TBC1D8: variants seen among roughly 807,000 people sequenced by gnomAD.
TBC1D8 encodes the protein BUB2-like protein 1.
In TBC1D8, 65 loss-of-function variants were observed where a neutral mutation model predicts 118.8. The observed-to-expected ratio is 0.55, with a 90% confidence interval of 0.45 to 0.67. The LOEUF (loss-of-function observed/expected upper bound fraction) is 0.67. TBC1D8 is among the 30% of genes least tolerant of loss of function. TBC1D8 has a pLI of 0.00. For missense variants in TBC1D8, 1,376 were observed against 1,471.2 expected (o/e 0.94, Z 1.06); for synonymous variants, 566 against 595.8 (o/e 0.95, Z 0.73).
intron 8 of TBC1D8, 61 bp downstream of exon 8, chr2:101,037,471 C>T: frequency 6.4e-7 from 1 of 1,571,808 alleles, no homozygotes; most frequent in Non-Finnish European, 8.6e-7. Flanking sequence ...GACAGCTGGG[C>T]AACCCCCCCA....
intron 5 of TBC1D8, among the ~76,000 whole-genome samples, chr2:101,049,642 C>T (rs926715272): frequency 2.6e-5 from 4 of 151,642 alleles, no homozygotes; most frequent in Non-Finnish European, 4.4e-5. Flanking sequence ...GCAGGAGAAT[C>T]GTTTGAACCT....
chr2:101,093,563 A>T (rs1414214757), intron 1 of TBC1D8, among the ~76,000 whole-genome samples: 1 of 151,900 alleles, frequency 6.6e-6, no homozygotes, highest in Non-Finnish European at 1.5e-5. Context: ...CAAAAAAAAA[A>T]TTTTAACCAG....
At chr2:101,036,915 CCAA>C (rs1297773651) in intron 8 of TBC1D8, among the ~76,000 whole-genome samples, 3 of 152,140 alleles carry the variant, frequency 2.0e-5, no homozygotes, top group Non-Finnish European at 4.4e-5. Context: ...ATAAATAAAA[CCAA>C]CAATAGATTT....
chr2:101,127,000 T>A (rs944849203), intron 1 of TBC1D8, among the ~76,000 whole-genome samples: 2 of 152,088 alleles, frequency 1.3e-5, no homozygotes, highest in African/African-American at 4.8e-5. Flanking sequence ...TCCTCATAGG[T>A]ATTGGAATTC....
At chr2:101,107,629 G>T (rs1677305957) in intron 1 of TBC1D8, among the ~76,000 whole-genome samples, 1 of 152,176 alleles carries the variant, frequency 6.6e-6, no homozygotes, top group South Asian at 2.1e-4. Context: ...GAAGCAATGA[G>T]CACACATAGA....
chr2:101,126,801 G>A (rs1194703065), intron 1 of TBC1D8, among the ~76,000 whole-genome samples: 2 of 152,196 alleles, frequency 1.3e-5, no homozygotes, highest in Non-Finnish European at 2.9e-5. Context: ...AATAAAGACA[G>A]ACAAGGTCAA....
At chr2:101,014,608 G>C (rs941851358) in intron 17 of TBC1D8, among the ~76,000 whole-genome samples, 1 of 152,142 alleles carries the variant, frequency 6.6e-6, no homozygotes, top group Non-Finnish European at 1.5e-5. Context: ...ATTTCACCTG[G>C]TGAGCCTTCT....
At chr2:101,054,973 C>A (rs371033651) in intron 3 of TBC1D8, among the ~76,000 whole-genome samples, 1 of 151,906 alleles carries the variant, frequency 6.6e-6, no homozygotes, top group East Asian at 2.0e-4. Flanking sequence ...TGAGCCACCA[C>A]GCCCGGCCAC....
intron 2 of TBC1D8, chr2:101,068,514 G>A: frequency 2.3e-6 from 1 of 434,740 alleles, no homozygotes; most frequent in South Asian, 2.4e-5. Flanking sequence ...CTGGAAGATG[G>A]AACCACAGTG....
intron 15 of TBC1D8, among the ~76,000 whole-genome samples, chr2:101,025,212 C>CTT (rs11354323): frequency 2.7e-5 from 4 of 147,864 alleles, no homozygotes; most frequent in Non-Finnish European, 4.5e-5. Context: ...ACAATAGGCC[C>CTT]TTTTTTTTTT....
At chr2:101,141,671 G>T (rs1006043922) in intron 1 of TBC1D8, among the ~76,000 whole-genome samples, 1 of 151,844 alleles carries the variant, frequency 6.6e-6, no homozygotes, top group Non-Finnish European at 1.5e-5. Flanking sequence ...AAAGGGAAAA[G>T]ACTGATACAT....
intron 17 of TBC1D8, among the ~76,000 whole-genome samples, chr2:101,021,374 C>G (rs1412470294): frequency 6.6e-6 from 1 of 152,184 alleles, no homozygotes; most frequent in Non-Finnish European, 1.5e-5. Flanking sequence ...GGCTCTCACA[C>G]ACATTCCACA....
intron 1 of TBC1D8, among the ~76,000 whole-genome samples, chr2:101,123,762 C>T (rs1288469148): frequency 6.6e-6 from 1 of 152,156 alleles, no homozygotes; most frequent in Non-Finnish European, 1.5e-5. Context: ...CAGCTACAGT[C>T]TTATGATAAA....
Position 101,110,980 on chromosome 2 carries a change from C to CA in TBC1D8, c.128-20617dup, listed in dbSNP as rs10708630. 2.9e-3 allele frequency among the ~76,000 whole-genome samples: 251 copies of CA among 86,926 alleles called. 2 individuals are homozygous for CA. Among genetic ancestry groups the CA allele is most frequent in the African/African-American group, 5.7e-3 (125 of 21,872 alleles). 57.0% of individuals were successfully genotyped at this position (86,926 alleles called of 152,430 possible). A position where few individuals can be genotyped will look rare whatever the true frequency, so the allele number is the denominator to read the frequency against. ...GGGCAACAAGGGCAAAACTCCATCG[C>CA]AAAAAAAAAAAAAAAAAAGAACCAG... On this transcript the variant is annotated intron_variant, in intron 1 of 19. Transcript: ENST00000409318.
chr2:101,039,934 C>G (rs1041193154), intron 6 of TBC1D8, among the ~76,000 whole-genome samples: 3 of 151,998 alleles, frequency 2.0e-5, no homozygotes, highest in African/African-American at 7.3e-5. Context: ...CCCCTGTTTT[C>G]AGCAGTCACT....
At chr2:101,017,072 A>AT (rs966298279) in intron 17 of TBC1D8, among the ~76,000 whole-genome samples, 4 of 135,138 alleles carry the variant, frequency 3.0e-5, no homozygotes, top group African/African-American at 1.0e-4. Flanking sequence ...ACTTAAAAGT[A>AT]TTAAAAAAAA....
intron 1 of TBC1D8, among the ~76,000 whole-genome samples, chr2:101,116,957 T>C (rs1677848219): frequency 6.6e-6 from 1 of 151,964 alleles, no homozygotes; most frequent in Admixed American, 6.6e-5. Flanking sequence ...TGAAATTTAA[T>C]GTTATTTAAG....
chr2:101,112,932 A>G, intron 1 of TBC1D8, among the ~76,000 whole-genome samples: 1 of 152,150 alleles, frequency 6.6e-6, no homozygotes, highest in East Asian at 1.9e-4. Flanking sequence ...CTACTTCTCC[A>G]TTTCATTGAG....
At chr2:101,089,462 AG>A (rs1273172583) in intron 2 of TBC1D8, among the ~76,000 whole-genome samples, 5 of 152,116 alleles carry the variant, frequency 3.3e-5, no homozygotes, top group Admixed American at 6.5e-5. Flanking sequence ...TTTTAATAAA[AG>A]GGTCTTCTCA....
Sources: gnomAD v4.1 joint callset for allele counts (sites outside exome capture counted in the v4.1 genomes callset) on GRCh38, gnomAD v4.1.1 for gene constraint, MANE v1.5 for transcripts, NCBI Gene and HGNC (gene_info 2026-07-23, HGNC 2026-07-21) for gene names.